The following INPP5K variants were observed in gnomAD, a reference collection of about 807,000 sequenced individuals.
INPP5K encodes inositol polyphosphate 5-phosphatase K.
A neutral mutation model predicts 53.5 loss-of-function variants in INPP5K; 35 were observed. The observed-to-expected ratio is 0.65, with a 90% confidence interval of 0.50 to 0.87. The LOEUF (loss-of-function observed/expected upper bound fraction) is 0.87. Ranked by LOEUF, INPP5K falls within the 40% of genes least tolerant of loss-of-function variation. The probability of loss-of-function intolerance (pLI) is 0.00; values close to 1 mark genes in which losing one functional copy is unlikely to be tolerated. For missense variants in INPP5K, 550 were observed against 586.2 expected, an observed-to-expected ratio of 0.94 and a Z score of 0.64; for synonymous variants, 253 against 232.8, an observed-to-expected ratio of 1.09 and a Z score of -0.79.
In INPP5K at chr17:1,512,031, G is replaced by A. The variant is rs1043996466; in HGVS notation, c.261+1422C>T. Among the ~76,000 whole-genome samples the A allele has an allele frequency of 2.0e-5, 3 of 152,176 alleles. No individual in the cohort carries two copies. In the South Asian group the frequency reaches 6.2e-4, roughly 32 times the overall value. Reference sequence around the variant, plus strand: ...GGTGGCTGGGGGCCCTGGAGCAGTGGAAGGGGGTCAGCCCTTCTCAGTCTA... The same window carrying A: ...GGTGGCTGGGGGCCCTGGAGCAGTGAAAGGGGGTCAGCCCTTCTCAGTCTA... On this transcript the variant is annotated intron_variant, in intron 3 of 11. Transcript: ENST00000421807.
intron 7 of INPP5K, among the ~76,000 whole-genome samples, chr17:1,498,895 G>C (rs1268471126): frequency 6.6e-6 from 1 of 152,182 alleles, no homozygotes; most frequent in African/African-American, 2.4e-5. Context: ...ACTGTGCCTG[G>C]GTGTATCATG....
Position 1,516,551 on chromosome 17 carries a change from G to C in INPP5K, c.-52C>G. The C allele has an allele frequency of 6.6e-7, 1 of 1,520,326 alleles. No homozygotes were observed. The highest frequency in any genetic ancestry group is 2.6e-5 in the East Asian group (1 of 39,060). The allele number at this position is 1,520,326 out of a possible 1,614,324, so 94.2% of individuals were successfully genotyped here. A position where few individuals can be genotyped will look rare whatever the true frequency, so the allele number is the denominator to read the frequency against. On this transcript the variant is annotated 5_prime_UTR_variant, in exon 1 of 12. Coordinates refer to ENST00000421807, the MANE Select transcript of INPP5K (RefSeq NM_016532.4). ...CCGGCAGGTTCGCGTCTCCCGGCCA[G>C]CGGGTCCCGGCCAGAGCAGCCCTGC...
intron 7 of INPP5K, among the ~76,000 whole-genome samples, chr17:1,502,093 T>A (rs905152916): frequency 3.3e-5 from 5 of 150,310 alleles, no homozygotes; most frequent in African/African-American, 9.8e-5. Flanking sequence ...CTCACGCCTG[T>A]AATCCCAGCA....
chr17:1,506,846 G>A (rs1447555655), intron 7 of INPP5K, 134 bp downstream of exon 7: 12 of 629,060 alleles, frequency 1.9e-5, no homozygotes, highest in Non-Finnish European at 3.4e-5. Flanking sequence ...TGGACAGGAG[G>A]TGCCACTCTG....
At position 1,513,918 on chromosome 17, in the gene INPP5K, G is replaced by A; in HGVS notation, c.106C>T (p.Leu36Phe). 1 of 1,613,660 alleles carries A rather than the reference G, an allele frequency of 6.2e-7. No homozygotes were observed. Residue 36 changes from leucine (L) to phenylalanine (F), a missense_variant, in exon 2 of 12, where the codon CTT becomes TTT. Physicochemically the swap from Leu to Phe is conservative, Grantham distance 22. Coordinates refer to ENST00000421807, the MANE Select transcript of INPP5K (RefSeq NM_016532.4). The part of the protein sequence containing the change: ...AAPPLDLSDL[L>F]QLNNRNLNLD... ...TTGAGGTTCCGGTTGTTCAGCTGAAGCAGGTCACTGAGATCTAGAGGGGGC... is the reference window on the plus strand; with the variant it reads ...TTGAGGTTCCGGTTGTTCAGCTGAAACAGGTCACTGAGATCTAGAGGGGGC...
Position 1,510,586 on chromosome 17 carries a change from C to T in INPP5K, c.262-787G>A, listed in dbSNP as rs972862667. The T allele has an allele frequency of 2.6e-5, 4 of 152,206 alleles. No homozygotes were observed. The East Asian group carries it at 7.7e-4, about 29-fold the overall frequency. The allele number at this position is 152,206 out of a possible 1,614,324, so 9.4% of individuals were successfully genotyped here. A position where few individuals can be genotyped will look rare whatever the true frequency, so the allele number is the denominator to read the frequency against. On this transcript the variant is annotated intron_variant, in intron 3 of 11. Coordinates refer to ENST00000421807, the MANE Select transcript of INPP5K (RefSeq NM_016532.4). ...CTTCTTTATCCCCTTCCCTTCCTCCCTCTCTCCTTGGAAATGTTCTTTATC... is the reference window on the plus strand; with the variant it reads ...CTTCTTTATCCCCTTCCCTTCCTCCTTCTCTCCTTGGAAATGTTCTTTATC...
chr17:1,516,467 G>A lies in INPP5K; in HGVS notation c.33C>T (p.Gly11=). ...CAGGGTGCCCTCACCTGAGCCTCCT[G>A]CCTTTCGGCCCGCTCAGCTTCCGCG... MSSRKLSGPK[G]RRLSIHVVTW... Residue 11 remains glycine, a synonymous_variant, in exon 1 of 12, where the codon GGC becomes GGT. Coordinates refer to ENST00000421807, the MANE Select transcript of INPP5K (RefSeq NM_016532.4). The A allele has an allele frequency of 6.3e-7, 1 of 1,590,362 alleles. No homozygotes were observed. The highest frequency in any genetic ancestry group is 2.3e-5 in the East Asian group (1 of 43,790).
chr17:1,499,223 C>T (rs933863970), intron 7 of INPP5K, among the ~76,000 whole-genome samples: 4 of 152,264 alleles, frequency 2.6e-5, no homozygotes, highest in Admixed American at 6.5e-5. Context: ...TCTCAAGAGT[C>T]GACTGAGAGG....
At chr17:1,508,087 C>T in intron 6 of INPP5K, 28 bp downstream of exon 6, 1 of 1,506,820 alleles carries the variant, frequency 6.6e-7, no homozygotes, top group Non-Finnish European at 9.2e-7. Context: ...CTCAGATCAC[C>T]CCCTGGGACC....
rs779661934 is a variant in INPP5K, at chr17:1,513,502, G to C, written c.212C>G (p.Ser71Trp). 1 of 1,614,212 alleles carries C rather than the reference G, an allele frequency of 6.2e-7. No homozygotes were observed. The highest frequency in any genetic ancestry group is 8.5e-7 in the Non-Finnish European group (1 of 1,180,028). Reference protein sequence around the residue: ...SLLSDAAFNDSWSSFLMDVLS... With the variant: ...SLLSDAAFNDWWSSFLMDVLS... Reference sequence around the variant, plus strand: ...CACATCCATGAGGAAACTGCTCCACGAGTCATTAAAGGCAGCATCGGAAAG... The same window carrying C: ...CACATCCATGAGGAAACTGCTCCACCAGTCATTAAAGGCAGCATCGGAAAG... The change falls in exon 3 of 12, where the codon TCG (serine) becomes TGG (tryptophan). Residue 71 changes from serine (S) to tryptophan (W), a missense_variant. Physicochemically the swap from Ser to Trp is radical, Grantham distance 177. Transcript: ENST00000421807.
rs1428937307 is a variant in INPP5K at position 1,509,814 on chromosome 17, G to C, written c.262-15C>G. The C allele has an allele frequency of 6.5e-7, 1 of 1,545,156 alleles. No individual in the cohort carries two copies. Among genetic ancestry groups the C allele is most frequent in the Admixed American group, 1.7e-5 (1 of 58,390 alleles). On this transcript the variant is annotated splice_polypyrimidine_tract_variant and intron_variant, in intron 3 of 11. Transcript: ENST00000421807. Reference sequence around the variant, plus strand: ...ACATGGGAGACCTGCAGGAGAGAGAGGGCAAAGGTCGCTCATTAAACCACA... The same window carrying C: ...ACATGGGAGACCTGCAGGAGAGAGACGGCAAAGGTCGCTCATTAAACCACA...
intron 7 of INPP5K, among the ~76,000 whole-genome samples, chr17:1,503,988 T>C (rs1237824389): frequency 6.6e-6 from 1 of 152,176 alleles, no homozygotes; most frequent in Non-Finnish European, 1.5e-5. Flanking sequence ...CCTTTCTGCT[T>C]TCTGCGAAAC....
At chr17:1,497,319 A>G (rs939468441) in intron 8 of INPP5K, among the ~76,000 whole-genome samples, 2 of 152,166 alleles carry the variant, frequency 1.3e-5, no homozygotes, top group African/African-American at 2.4e-5. Context: ...CAAAAAATAC[A>G]TAACAGCCAG....
At chr17:1,512,740 C>T (rs2075337686) in intron 3 of INPP5K, among the ~76,000 whole-genome samples, 2 of 152,098 alleles carry the variant, frequency 1.3e-5, no homozygotes, top group African/African-American at 2.4e-5. Context: ...CTAAGAAAGC[C>T]GCCCAAAGTA....
chr17:1,504,509 G>T (rs540804991), intron 7 of INPP5K, among the ~76,000 whole-genome samples: 3 of 152,340 alleles, frequency 2.0e-5, no homozygotes, highest in African/African-American at 7.2e-5. Context: ...CCCTGTTCCC[G>T]CCCAGACAGT....
intron 7 of INPP5K, among the ~76,000 whole-genome samples, chr17:1,503,839 A>T (rs1351012947): frequency 1.3e-5 from 2 of 152,130 alleles, no homozygotes; most frequent in Non-Finnish European, 2.9e-5. Flanking sequence ...CCTATAAGGG[A>T]GCTGGCCTCG....
chr17:1,506,571 C>A (rs916743526), intron 7 of INPP5K, among the ~76,000 whole-genome samples: 5 of 152,320 alleles, frequency 3.3e-5, no homozygotes, highest in African/African-American at 1.2e-4. Context: ...AAGACCTGAC[C>A]CATTCACAGG....
intron 4 of INPP5K, 35 bp downstream of exon 4, chr17:1,509,648 C>G: frequency 7.3e-7 from 1 of 1,368,266 alleles, no homozygotes. Flanking sequence ...CCAGCCCTTC[C>G]CAGCTCACGA....
At chr17:1,496,903 T>C in intron 8 of INPP5K, 100 bp from the exon 9 acceptor site, 1 of 1,286,254 alleles carries the variant, frequency 7.8e-7, no homozygotes, top group Non-Finnish European at 1.1e-6. Context: ...GTGGGGAAGG[T>C]GGGGCACCCA....
Sources: allele counts gnomAD v4.1 joint callset (sites outside exome capture counted in the v4.1 genomes callset), GRCh38; gene constraint gnomAD v4.1.1; transcripts MANE v1.5; gene names NCBI Gene and HGNC (gene_info 2026-07-23, HGNC 2026-07-21).